Variants in CENPO observed in about 807,000 individuals in gnomAD.
The protein encoded by CENPO is centromeric protein O.
In CENPO, 30 loss-of-function variants were observed where a neutral mutation model predicts 36.1. The observed-to-expected ratio is 0.83, with a 90% CI of 0.62 to 1.13. CENPO has a LOEUF of 1.13. Among genes scored for constraint, CENPO ranks in the 50% most tolerant of loss-of-function variants. CENPO has a pLI of 0.00. For missense variants in CENPO, 349 were observed against 357.8 expected, an observed-to-expected ratio of 0.98 and a Z score of 0.20; for synonymous variants, 171 against 142.3, an observed-to-expected ratio of 1.20 and a Z score of -1.44.
rs749262810 is a variant in CENPO at position 24,820,669 on chromosome 2, C to G, written c.*1351C>G. 1.2e-6 allele frequency: 2 copies of G among 1,607,482 alleles called. No individual in the cohort carries two copies. The highest frequency in any genetic ancestry group is 2.7e-5 in the African/African-American group (2 of 74,782). ...AGGGGCACGTGGGAAAGCACTGTTC[C>G]GGTTTTGTTCTCATGCCGAGTCTGA... is the stretch of plus-strand genomic sequence containing the variant. On this transcript the variant is annotated 3_prime_UTR_variant, in exon 8 of 8. Transcript: ENST00000380834.
chr2:24,795,803 C>A (rs139391947), intron 2 of CENPO, among the ~76,000 whole-genome samples: 7 of 152,254 alleles, frequency 4.6e-5, no homozygotes, highest in African/African-American at 1.7e-4. Context: ...ACAGGGACTT[C>A]GTTTTGCCAC....
chr2:24,806,124 G>T (rs545250064), intron 3 of CENPO, among the ~76,000 whole-genome samples: 5 of 152,374 alleles, frequency 3.3e-5, no homozygotes, highest in East Asian at 1.9e-4. Context: ...CTCTGAGCCA[G>T]GCGCGGGATA....
intron 3 of CENPO, among the ~76,000 whole-genome samples, chr2:24,812,152 A>G (rs1227640091): frequency 1.3e-5 from 2 of 151,972 alleles, no homozygotes; most frequent in Admixed American, 6.6e-5. Flanking sequence ...TTATTTCACT[A>G]TGTTTTTTAT....
chr2:24,816,657 A>G lies in CENPO; in HGVS notation c.606A>G (p.Ala202=), dbSNP rs1666950023. 6.2e-7 allele frequency: 1 copy of G among 1,607,084 alleles called. No homozygotes were observed. Among genetic ancestry groups the G allele is most frequent in the Non-Finnish European group, 8.5e-7 (1 of 1,177,000 alleles). Residue 202 remains alanine, a synonymous_variant, in exon 6 of 8, where the codon GCA becomes GCG. Transcript: ENST00000380834. ...CTCACCCCTCTTAGAGTGACTTTGC[A>G]GCCCTCCTGACTGGGCCCTTGCAGA... The part of the protein sequence containing the change: ...YQADRLQSDF[A]ALLTGPLQRN...
In CENPO at chr2:24,799,865, A is replaced by G. The variant is rs368613759; in HGVS notation, c.216+21A>G. On this transcript the variant is annotated intron_variant, in intron 3 of 7. Coordinates refer to ENST00000380834, the MANE Select transcript of CENPO (RefSeq NM_001322101.2). The stretch of plus-strand genomic sequence containing the variant: ...CCAGCGTGAGTAGAAGGGTGGTATC[A>G]GCAGTTCCTTTAGAGTATAATGAAC... 5.8e-5 allele frequency: 94 copies of G among 1,611,388 alleles called. No individual in the cohort carries two copies. The African/African-American group carries it at 1.1e-3, about 20-fold the overall frequency.
At chr2:24,803,534 G>T (rs945754354) in intron 3 of CENPO, among the ~76,000 whole-genome samples, 3 of 152,026 alleles carry the variant, frequency 2.0e-5, no homozygotes, top group African/African-American at 7.3e-5. Flanking sequence ...TTGTGTCTTT[G>T]TTCTCGTTGG....
chr2:24,798,706 C>T (rs1157544285), intron 2 of CENPO, among the ~76,000 whole-genome samples: 1 of 151,988 alleles, frequency 6.6e-6, no homozygotes. Flanking sequence ...GTGATCCACC[C>T]GCCTCGGCCT....
At chr2:24,799,915 T>C in intron 3 of CENPO, 71 bp downstream of exon 3, 1 of 1,510,794 alleles carries the variant, frequency 6.6e-7, no homozygotes, top group Non-Finnish European at 9.1e-7. Flanking sequence ...AATTGGTGAA[T>C]TGGCCATTTT....
In CENPO at chr2:24,820,775, T is replaced by G. The variant is rs749621110; in HGVS notation, c.*1457T>G. ...ACTCCATCCTGCTGGCTACATTGAC[T>G]GTATTGCCCCAGATGTCGTAGTGTG... On this transcript the variant is annotated 3_prime_UTR_variant, in exon 8 of 8. Transcript: ENST00000380834. The G allele has an allele frequency of 6.2e-7, 1 of 1,614,106 alleles. No homozygotes were observed. Among genetic ancestry groups the G allele is most frequent in the South Asian group, 1.1e-5 (1 of 91,078 alleles).
intron 2 of CENPO, among the ~76,000 whole-genome samples, chr2:24,795,905 G>T (rs1295467773): frequency 6.6e-6 from 1 of 152,180 alleles, no homozygotes; most frequent in African/African-American, 2.4e-5. Context: ...GAATAAAGCA[G>T]TTAATCACGT....
rs1200377958 is a variant in CENPO at position 24,815,484 on chromosome 2, T to G, written c.335-13T>G. ...GCCTGCTGTCTATTGAGGTGTCTTC[T>G]TGTTTGCCTCAGGCCTCAGTGGTAA... is the stretch of plus-strand genomic sequence containing the variant. On this transcript the variant is annotated splice_polypyrimidine_tract_variant and intron_variant, in intron 4 of 7. Transcript: ENST00000380834. 6.2e-7 allele frequency: 1 copy of G among 1,612,876 alleles called. No individual in the cohort carries two copies. Among genetic ancestry groups the G allele is most frequent in the African/African-American group, 1.3e-5 (1 of 74,902 alleles).
At position 24,821,380 on chromosome 2, in the gene CENPO, C is replaced by G; in HGVS notation, c.*2062C>G. On this transcript the variant is annotated 3_prime_UTR_variant, in exon 8 of 8. Transcript: ENST00000380834. Reference sequence around the variant, plus strand: ...TCTGGACTAAAGGTCTTTCAGGTCTCCTTGCCCTGTGAGTGCGTGAACCTC... The same window carrying G: ...TCTGGACTAAAGGTCTTTCAGGTCTGCTTGCCCTGTGAGTGCGTGAACCTC... The G allele has an allele frequency of 7.6e-7, 1 of 1,309,158 alleles. No homozygotes were observed. Among genetic ancestry groups the G allele is most frequent in the East Asian group, 2.3e-5 (1 of 42,834 alleles). 81.1% of individuals were successfully genotyped at this position (1,309,158 alleles called of 1,614,324 possible). A position where few individuals can be genotyped will look rare whatever the true frequency, so the allele number is the denominator to read the frequency against.
intron 3 of CENPO, among the ~76,000 whole-genome samples, chr2:24,810,435 TA>T (rs1481524515): frequency 6.6e-6 from 1 of 150,972 alleles, no homozygotes; most frequent in Non-Finnish European, 1.5e-5. Flanking sequence ...AATTAAAAAT[TA>T]AAAAAAAGTT....
At chr2:24,795,037 T>C (rs990190585) in intron 2 of CENPO, among the ~76,000 whole-genome samples, 1 of 152,042 alleles carries the variant, frequency 6.6e-6, no homozygotes, top group Non-Finnish European at 1.5e-5. Context: ...GTATATGGGG[T>C]AAGATTTATT....
intron 3 of CENPO, among the ~76,000 whole-genome samples, chr2:24,801,107 T>C (rs1666142884): frequency 6.6e-6 from 1 of 152,288 alleles, no homozygotes; most frequent in Non-Finnish European, 1.5e-5. Flanking sequence ...ATGTGTCTTT[T>C]GGCTGCAGAA....
At chr2:24,815,815 G>A in intron 5 of CENPO, 59 bp downstream of exon 5, 2 of 1,515,462 alleles carry the variant, frequency 1.3e-6, no homozygotes, top group South Asian at 2.4e-5. Context: ...TTAAAAGGGG[G>A]ATGTTTTTTG....
chr2:24,819,358 A>AT lies in CENPO; in HGVS notation c.*40_*41insT, dbSNP rs1401437057. The AT allele has an allele frequency of 6.5e-6, 1 of 152,704 alleles. No homozygotes were observed. Among genetic ancestry groups the AT allele is most frequent in the Non-Finnish European group, 1.5e-5 (1 of 68,076 alleles). 9.5% of individuals were successfully genotyped at this position (152,704 alleles called of 1,614,324 possible). A position where few individuals can be genotyped will look rare whatever the true frequency, so the allele number is the denominator to read the frequency against. ...GTTTATATATTTTTCTTTCAGAAAT[A>AT]AATCCCCCCTCCCCTGCCAGGTGAA... On this transcript the variant is annotated 3_prime_UTR_variant, in exon 8 of 8. Coordinates refer to ENST00000380834, the MANE Select transcript of CENPO (RefSeq NM_001322101.2).
At chr2:24,799,515 TCCCCTGGTTTTA>T (rs749873204) in intron 2 of CENPO, among the ~76,000 whole-genome samples, 148 bp from the exon 3 acceptor site, 5 of 151,428 alleles carry the variant, frequency 3.3e-5, no homozygotes, top group Non-Finnish European at 7.4e-5. Context: ...AATTGTTAGC[TCCCCTGGTTTTA>T]TAAATTGACA....
chr2:24,803,006 G>A (rs1166045126), intron 3 of CENPO, among the ~76,000 whole-genome samples: 1 of 152,092 alleles, frequency 6.6e-6, no homozygotes, highest in Non-Finnish European at 1.5e-5. Flanking sequence ...CAATTTCAGA[G>A]CCTGTTATTG....
Sources: gnomAD v4.1 joint callset for allele counts (sites outside exome capture counted in the v4.1 genomes callset) on GRCh38, gnomAD v4.1.1 for gene constraint, MANE v1.5 for transcripts, NCBI Gene and HGNC (gene_info 2026-07-23, HGNC 2026-07-21) for gene names.